ZSCAN31: variants seen among roughly 807,000 people sequenced by gnomAD.
ZSCAN31 encodes the protein zinc finger and SCAN domain-containing protein 31.
In ZSCAN31, 14 loss-of-function variants were observed where a neutral mutation model predicts 22.5. The ratio of observed to expected loss-of-function variants is 0.62; its 90% CI spans 0.41 to 0.97. The LOEUF is 0.97. ZSCAN31 is among the 50% of genes least tolerant of loss of function. The pLI is 0.00. For synonymous variants in ZSCAN31, 168 were observed against 169.8 expected (o/e 0.99, Z 0.08); for missense variants, 424 against 483.4 (o/e 0.88, Z 1.15).
rs751604596 is a variant in ZSCAN31, at chr6:28,326,428, TC to T, written c.958del (p.Glu320LysfsTer117). ...LTRHRRIHTG[E>X]KPYECKVCGK... is the part of the protein sequence containing the mutation. ...ACACACTTTGCATTCATATGGTTTT[TC>T]CCCTGTGTGGATTCTTCTGTGTCGA... is the stretch of plus-strand genomic sequence containing the variant. On this transcript the variant is annotated frameshift_variant, in exon 4 of 4. Coordinates refer to ENST00000344279, the MANE Select transcript of ZSCAN31 (RefSeq NM_030899.5). LOFTEE classifies it low-confidence loss of function (END_TRUNC). 8 of 1,614,110 alleles carry T rather than the reference TC, an allele frequency of 5.0e-6. No individual in the cohort carries two copies. The highest frequency in any genetic ancestry group is 5.1e-6 in the Non-Finnish European group (6 of 1,179,990).
At chr6:28,348,336 G>A (rs1313540991) in intron 2 of ZSCAN31, among the ~76,000 whole-genome samples, 1 of 152,078 alleles carries the variant, frequency 6.6e-6, no homozygotes, top group Non-Finnish European at 1.5e-5. Flanking sequence ...GCAAACTTGT[G>A]AATAGAAAAA....
At chr6:28,337,028 C>T (rs1019369787), upstream of ZSCAN31, 2 of 152,142 alleles carry the variant, frequency 1.3e-5, no homozygotes, top group African/African-American at 4.8e-5. Context: ...GCTTGTAAAT[C>T]GATGAGAATA....
chr6:28,329,236 C>T lies in ZSCAN31; in HGVS notation c.381+67G>A, dbSNP rs1763551693. The T allele has an allele frequency of 2.6e-6, 4 of 1,518,444 alleles. No homozygotes were observed. In the Admixed American group the frequency reaches 6.8e-5, roughly 26 times the overall value. 94.1% of individuals were successfully genotyped at this position (1,518,444 alleles called of 1,614,324 possible). A position where few individuals can be genotyped will look rare whatever the true frequency, so the allele number is the denominator to read the frequency against. The stretch of plus-strand genomic sequence containing the variant: ...AATACATATAGCTATAGCCAACCAA[C>T]CTGTGTCACCAAACCCCACCTTTCA... On this transcript the variant is annotated intron_variant, in intron 2 of 3. Coordinates refer to ENST00000344279, the MANE Select transcript of ZSCAN31 (RefSeq NM_030899.5).
rs139149118 is a variant in ZSCAN31, at chr6:28,326,544, G to A, written c.843C>T (p.Ser281=). Residue 281 remains serine, a synonymous_variant, in exon 4 of 4, where the codon AGC becomes AGT. Transcript: ENST00000344279. ...TGTGGCTCCGCCGATGTTCATTCAG[G>A]CTTGACCTCCGGCTGAAGGCCTTCC... The part of the protein sequence containing the change: ...ECGKAFSRRS[S]LNEHRRSHTG... 10 of 1,614,004 alleles carry A rather than the reference G, an allele frequency of 6.2e-6. No homozygotes were observed. In the Admixed American group the frequency reaches 6.7e-5, roughly 11 times the overall value.
chr6:28,349,147 GGT>G lies in ZSCAN31; in HGVS notation c.-371+4713_-371+4714del. Among the ~76,000 whole-genome samples, 1 of 20,348 alleles carries G rather than the reference GGT, an allele frequency of 4.9e-5. No individual in the cohort carries two copies. The highest frequency in any genetic ancestry group is 2.9e-4 in the African/African-American group (1 of 3,494). The allele number at this position is 20,348 out of a possible 152,430, so 13.3% of individuals were successfully genotyped here. A position where few individuals can be genotyped will look rare whatever the true frequency, so the allele number is the denominator to read the frequency against. ...GGTGTATATATATGTCTCATATATA[GGT>G]GTATATATATGTCTCATATATATAG... On this transcript the variant is annotated intron_variant, in intron 2 of 7. Coordinates refer to the ZSCAN31 transcript ENST00000396838. This position sits in a 1 kb window ranked among gnomAD's most constrained non-coding sequence, Gnocchi z 4.1.
chr6:28,354,027 T>C (rs1006425655), intron 1 of ZSCAN31: 9 of 446,356 alleles, frequency 2.0e-5, no homozygotes, highest in African/African-American at 1.8e-4. Context: ...CTGTCTCGGC[T>C]GCCTCCTCCG....
rs1764849939 is a variant in ZSCAN31 at position 28,349,855 on chromosome 6, C to T, written c.-371+4007G>A. 6.6e-6 allele frequency: 1 copy of T among 152,196 alleles called. No homozygotes were observed. The highest frequency in any genetic ancestry group is 6.5e-5 in the Admixed American group (1 of 15,280). 9.4% of individuals were successfully genotyped at this position (152,196 alleles called of 1,614,324 possible). ...TTTAATAGCAAAAGGGGAGGGGACA[C>T]AAGGTGCCGAGCTAGCAAACGACAG... On this transcript the variant is annotated intron_variant, in intron 2 of 7. Transcript: ENST00000396838. The surrounding 1 kb of genome is among the most constrained non-coding windows in gnomAD (Gnocchi z 4.1).
At chr6:28,340,351 CAT>C (rs1282264718), upstream of ZSCAN31, among the ~76,000 whole-genome samples, 1 of 152,236 alleles carries the variant, frequency 6.6e-6, no homozygotes, top group Non-Finnish European at 1.5e-5. Context: ...ATAATCCCCA[CAT>C]GTGGTGGGAA....
upstream of ZSCAN31, among the ~76,000 whole-genome samples, chr6:28,339,260 T>G (rs992962690): frequency 2.0e-5 from 3 of 152,202 alleles, no homozygotes; most frequent in Non-Finnish European, 4.4e-5. Context: ...TTGATTTTAT[T>G]ATCTTTATTT....
chr6:28,328,881 G>A (rs9468341), intron 2 of ZSCAN31, among the ~76,000 whole-genome samples: 5,463 of 152,152 alleles, frequency 0.036, 242 homozygotes, highest in African/African-American at 0.1. Flanking sequence ...TTCTGCTATG[G>A]CTTCAGCTGG....
At position 28,326,868 on chromosome 6, in the gene ZSCAN31, T is replaced by G. The variant is rs1353127420; in HGVS notation, c.533-14A>C. The G allele has an allele frequency of 1.3e-6, 2 of 1,586,236 alleles. No homozygotes were observed. The highest frequency in any genetic ancestry group is 1.7e-5 in the Admixed American group (1 of 58,494). The stretch of plus-strand genomic sequence containing the variant: ...TACTTTCACCATCTGGAATAATAAA[T>G]GGACCAAACAATGTAATCTCTTTCC... On this transcript the variant is annotated splice_polypyrimidine_tract_variant and intron_variant, in intron 3 of 3. Transcript: ENST00000344279.
rs532664988 is a variant in ZSCAN31, at chr6:28,327,530, G to A, written c.385C>T (p.Pro129Ser). 6.2e-7 allele frequency: 1 copy of A among 1,612,648 alleles called. No individual in the cohort carries two copies. Among genetic ancestry groups the A allele is most frequent in the South Asian group, 1.1e-5 (1 of 91,058 alleles). ...QELSEPGNQA[P>S]DHEHGHSEVL... ...TCAGAATGTCCATGTTCATGGTCTG[G>A]AGCCTGAAGGCAGGTAGGCATATTT... The change falls in exon 3 of 4, where the codon CCA (proline) becomes TCA (serine). Residue 129 changes from proline to serine, a missense_variant. Physicochemically the swap from Pro to Ser is moderately conservative, Grantham distance 74. Transcript: ENST00000344279.
intron 2 of ZSCAN31, among the ~76,000 whole-genome samples, chr6:28,350,628 G>A (rs1402887064): frequency 6.6e-6 from 1 of 152,178 alleles, no homozygotes; most frequent in Admixed American, 6.5e-5. Flanking sequence ...GAGTAAGCAT[G>A]ATTTAAAGAT....
chr6:28,343,711 G>A (rs72854531), intron 2 of ZSCAN31, among the ~76,000 whole-genome samples: 7,013 of 151,894 alleles, frequency 0.046, 254 homozygotes, highest in Non-Finnish European at 0.064. Flanking sequence ...ATTTCGTTTA[G>A]TAGAAACGGG....
chr6:28,343,678 A>T (rs1764519871), intron 2 of ZSCAN31, among the ~76,000 whole-genome samples: 1 of 148,760 alleles, frequency 6.7e-6, no homozygotes, highest in Non-Finnish European at 1.5e-5. Flanking sequence ...GGCGCCCACC[A>T]CCATGCCCGG....
In ZSCAN31 at chr6:28,333,001, A is replaced by T. The variant is rs1298843093; in HGVS notation, c.-96+3081T>A. On this transcript the variant is annotated intron_variant, in intron 1 of 3. Transcript: ENST00000344279. This position sits in a 1 kb window ranked among gnomAD's most constrained non-coding sequence, Gnocchi z 4.1. ...GGCCAGCTACAAATACAAGACAAAA[A>T]TCTCAGTGGACCAGAAACACAAACA... is the stretch of plus-strand genomic sequence containing the variant. 6.6e-6 allele frequency among the ~76,000 whole-genome samples: 1 copy of T among 152,240 alleles called. No individual in the cohort carries two copies.
rs1307321965 is a variant in ZSCAN31 at position 28,329,630 on chromosome 6, G to T, written c.54C>A (p.Asp18Glu). 3 of 1,614,020 alleles carry T rather than the reference G, an allele frequency of 1.9e-6. No individual in the cohort carries two copies. The highest frequency in any genetic ancestry group is 2.7e-5 in the African/African-American group (2 of 74,910). The change falls in exon 2 of 4, where the codon GAC becomes GAA. Residue 18 changes from aspartate (D) to glutamate (E), a missense_variant. Asp to Glu is a conservative substitution (Grantham distance 45, BLOSUM62 2). Transcript: ENST00000344279. The part of the protein sequence containing the change: ...YDLKIVKVEE[D>E]PIWDQETHLR... ...GGTGGGTTTCTTGGTCCCAGATAGGGTCTTCCTCCACTTTCACAATCTTAA... is the reference window on the plus strand; with the variant it reads ...GGTGGGTTTCTTGGTCCCAGATAGGTTCTTCCTCCACTTTCACAATCTTAA...
chr6:28,351,932 C>T lies in ZSCAN31; in HGVS notation c.-371+1930G>A, dbSNP rs2113886709. The stretch of plus-strand genomic sequence containing the variant: ...CACGCAAAAAAATTGACAATAATTC[C>T]TTGATATCATTATCTTGATTTTCAA... On this transcript the variant is annotated intron_variant, in intron 2 of 7. Transcript: ENST00000396838. The surrounding 1 kb of genome is among the most constrained non-coding windows in gnomAD (Gnocchi z 4.6). Among the ~76,000 whole-genome samples, 1 of 151,852 alleles carries T rather than the reference C, an allele frequency of 6.6e-6. No homozygotes were observed. The highest frequency in any genetic ancestry group is 1.9e-4 in the East Asian group (1 of 5,182).
chr6:28,342,002 C>CA (rs1424754462), intron 2 of ZSCAN31, among the ~76,000 whole-genome samples: 1 of 151,928 alleles, frequency 6.6e-6, no homozygotes, highest in Non-Finnish European at 1.5e-5. Flanking sequence ...TGAAATAGTA[C>CA]AGTTGTTTTT....
Sources: gnomAD v4.1 joint callset for allele counts (sites outside exome capture counted in the v4.1 genomes callset) on GRCh38, gnomAD v4.1.1 for gene constraint, Gnocchi (gnomAD v3.1) non-coding constraint, MANE v1.5 for transcripts, NCBI Gene and HGNC (gene_info 2026-07-23, HGNC 2026-07-21) for gene names.